NF1: variants seen among roughly 807,000 people sequenced by gnomAD.
NF1 encodes neurofibromin.
NF1 carries 122 observed loss-of-function variants against 325.7 expected under a neutral mutation model. That is an observed-to-expected ratio of 0.37 (90% CI 0.32 to 0.44). The LOEUF (loss-of-function observed/expected upper bound fraction) is 0.44, where lower values mean the gene tolerates loss of function less well. Among genes scored for constraint, NF1 ranks in the 20% least tolerant of loss-of-function variants. The pLI is 1.00. For synonymous variants in NF1, 1,091 were observed against 1,186.0 expected (o/e 0.92, Z 1.65); for missense variants, 2,140 against 3,415.4 (o/e 0.63, Z 9.31).
At chr17:31,201,521 A>G (rs748698390) in intron 11 of NF1, 36 bp downstream of exon 11, 1 of 1,506,338 alleles carries the variant, frequency 6.6e-7, no homozygotes, top group South Asian at 1.2e-5. Context: ...TACTAAAAAA[A>G]TTTTTTTCTT....
At chr17:31,292,176 A>C (rs936927749) in intron 36 of NF1, among the ~76,000 whole-genome samples, 1 of 152,234 alleles carries the variant, frequency 6.6e-6, no homozygotes, top group Non-Finnish European at 1.5e-5. Context: ...TTGCTTGTAA[A>C]GTAGAGCCAA....
At chr17:31,113,247 CTT>C (rs1913581854) in intron 1 of NF1, among the ~76,000 whole-genome samples, 2 of 151,998 alleles carry the variant, frequency 1.3e-5, no homozygotes, top group South Asian at 4.1e-4. Context: ...GTTTATTGAT[CTT>C]GTTTGTTTTT....
At chr17:31,265,715 C>G in intron 36 of NF1, among the ~76,000 whole-genome samples, 1 of 151,694 alleles carries the variant, frequency 6.6e-6, no homozygotes, top group Non-Finnish European at 1.5e-5. Flanking sequence ...ACTATAAGAG[C>G]CTATTTCTGA....
At chr17:31,167,020 T>C (rs1260389705) in intron 4 of NF1, among the ~76,000 whole-genome samples, 2 of 152,228 alleles carry the variant, frequency 1.3e-5, no homozygotes, top group East Asian at 3.8e-4. Flanking sequence ...TTCATTTCTT[T>C]TGCTCAGACT....
At chr17:31,203,740 G>A (rs1029849824) in intron 11 of NF1, among the ~76,000 whole-genome samples, 1 of 151,968 alleles carries the variant, frequency 6.6e-6, no homozygotes, top group African/African-American at 2.4e-5. Flanking sequence ...TACCTCATAA[G>A]TTCTCTTCTC....
In NF1 at chr17:31,095,235, C is replaced by T; in HGVS notation, c.-75C>T. The T allele has an allele frequency of 2.1e-6, 3 of 1,420,798 alleles. No homozygotes were observed. Among genetic ancestry groups the T allele is most frequent in the Non-Finnish European group, 2.9e-6 (3 of 1,043,738 alleles). The allele number at this position is 1,420,798 out of a possible 1,614,324, so 88.0% of individuals were successfully genotyped here. On this transcript the variant is annotated 5_prime_UTR_variant, in exon 1 of 58. Coordinates refer to ENST00000358273, the MANE Select transcript of NF1 (RefSeq NM_001042492.3). ...CTTGCCTCTTCCCTCACCTCAGCCT[C>T]CGCTCCCCGCCCTCTTCCCGGCCCA...
At position 31,305,915 on chromosome 17, in the gene NF1, C is replaced by G. The variant is rs145887114; in HGVS notation, c.4836-19905C>G. On this transcript the variant is annotated intron_variant, in intron 36 of 57. Coordinates refer to ENST00000358273, the MANE Select transcript of NF1 (RefSeq NM_001042492.3). ...TTCTGTACTTGGCTCTGCTGCCCCTCTAGCTTCATTATATTTCAGTACTTC... is the reference window on the plus strand; with the variant it reads ...TTCTGTACTTGGCTCTGCTGCCCCTGTAGCTTCATTATATTTCAGTACTTC... 3.5e-3 allele frequency among the ~76,000 whole-genome samples: 528 copies of G among 152,324 alleles called. 4 individuals carry two copies. The highest frequency in any genetic ancestry group is 0.012 in the African/African-American group (492 of 41,570).
At chr17:31,149,277 TACACACACACACATACACACACACAC>T (rs1457948940) in intron 1 of NF1, among the ~76,000 whole-genome samples, 4 of 149,794 alleles carry the variant, frequency 2.7e-5, no homozygotes, top group Admixed American at 2.0e-4. Flanking sequence ...TATATACATG[TACACACACACACATACACACACACAC>T]ACACACACAC....
chr17:31,188,988 T>A (rs1167257533), intron 8 of NF1, among the ~76,000 whole-genome samples: 2 of 152,228 alleles, frequency 1.3e-5, no homozygotes, highest in Admixed American at 1.3e-4. Context: ...ATTCCCTTAA[T>A]TCTGTCCCTC....
At chr17:31,340,388 A>C (rs2069785175) in intron 46 of NF1, 117 bp from the exon 47 acceptor site, 10 of 1,338,902 alleles carry the variant, frequency 7.5e-6, no homozygotes, top group Non-Finnish European at 1.1e-5. Context: ...TCTTCCCCAA[A>C]AGAGAAAACA....
chr17:31,268,219 C>A (rs1341904947), intron 36 of NF1, among the ~76,000 whole-genome samples: 2 of 152,140 alleles, frequency 1.3e-5, no homozygotes, highest in Non-Finnish European at 2.9e-5. Flanking sequence ...TATGATTCAG[C>A]TAAAAAGCAT....
intron 51 of NF1, among the ~76,000 whole-genome samples, chr17:31,353,168 C>CA (rs1487200205): frequency 6.6e-6 from 1 of 152,150 alleles, no homozygotes; most frequent in Admixed American, 6.5e-5. Flanking sequence ...CTCGGCCTCC[C>CA]AAAGTGCTGA....
intron 36 of NF1, among the ~76,000 whole-genome samples, chr17:31,325,178 C>T (rs1047256814): frequency 1.3e-5 from 2 of 152,178 alleles, no homozygotes; most frequent in African/African-American, 4.8e-5. Flanking sequence ...GGCTTTATCT[C>T]ATACACAAAT....
In NF1 at chr17:31,227,625, C is replaced by T. The variant is rs2151427715; in HGVS notation, c.2409+19C>T. The T allele has an allele frequency of 6.2e-7, 1 of 1,604,154 alleles. No individual in the cohort carries two copies. On this transcript the variant is annotated intron_variant, in intron 20 of 57. Coordinates refer to ENST00000358273, the MANE Select transcript of NF1 (RefSeq NM_001042492.3). ...TGGCCAGGTAAGTCTGTAAAGTTGA[C>T]TTTTGTCTGTTAACTGATCTGCTAA...
At chr17:31,145,085 C>T (rs1047947091) in intron 1 of NF1, among the ~76,000 whole-genome samples, 1 of 152,190 alleles carries the variant, frequency 6.6e-6, no homozygotes, top group African/African-American at 2.4e-5. Context: ...ACCACATTGG[C>T]CCTCTTGCTA....
At chr17:31,155,948 G>A (rs767902028) in intron 1 of NF1, 35 bp from the exon 2 acceptor site, 3 of 1,601,608 alleles carry the variant, frequency 1.9e-6, no homozygotes, top group South Asian at 1.1e-5. Flanking sequence ...TTAAGGATAA[G>A]CTGTTAACGT....
At chr17:31,283,484 C>T (rs2093990991) in intron 36 of NF1, among the ~76,000 whole-genome samples, 1 of 151,462 alleles carries the variant, frequency 6.6e-6, no homozygotes, top group Non-Finnish European at 1.5e-5. Flanking sequence ...GACAGGGTCT[C>T]ACTCTGTCGC....
chr17:31,102,036 T>C (rs990610676), intron 1 of NF1, among the ~76,000 whole-genome samples: 1 of 152,172 alleles, frequency 6.6e-6, no homozygotes, highest in Non-Finnish European at 1.5e-5. Context: ...ATAAAAAAAG[T>C]GGTACTTTTG....
intron 36 of NF1, chr17:31,296,048 G>A (rs746185484): frequency 6.2e-7 from 1 of 1,614,090 alleles, no homozygotes. Context: ...AGGTAAGTGA[G>A]CAGGCAGGCT....
Sources: allele counts gnomAD v4.1 joint callset (sites outside exome capture counted in the v4.1 genomes callset), GRCh38; gene constraint gnomAD v4.1.1; transcripts MANE v1.5; gene names NCBI Gene and HGNC (gene_info 2026-07-23, HGNC 2026-07-21).